Variants in GRIP1 observed in about 807,000 individuals in gnomAD.
GRIP1 encodes glutamate receptor-interacting protein 1.
A neutral mutation model predicts 129.9 loss-of-function variants in GRIP1; 45 were observed. The observed-to-expected ratio is 0.35, with a 90% CI of 0.27 to 0.44. The LOEUF is 0.44. GRIP1 is among the 20% of genes least tolerant of loss of function. The pLI is 1.00. For synonymous variants in GRIP1, 530 were observed against 520.8 expected (o/e 1.02, Z -0.24); for missense variants, 1,196 against 1,396.8 (o/e 0.86, Z 2.29).
chr12:66,679,444 CA>C (rs10691128), upstream of GRIP1, among the ~76,000 whole-genome samples: 2,985 of 117,348 alleles, frequency 0.025, 76 homozygotes, highest in African/African-American at 0.078. Flanking sequence ...AAACAACAAC[CA>C]AAAAAAAAAA....
At chr12:66,837,047 C>A (rs1435379893) in intron 1 of GRIP1, among the ~76,000 whole-genome samples, 1 of 152,198 alleles carries the variant, frequency 6.6e-6, no homozygotes, top group Non-Finnish European at 1.5e-5. Context: ...AGTCTGAAAT[C>A]ATTTTCATTA....
At chr12:66,496,096 C>T (rs2060233034) in intron 7 of GRIP1, among the ~76,000 whole-genome samples, 1 of 152,150 alleles carries the variant, frequency 6.6e-6, no homozygotes, top group Admixed American at 6.5e-5. Flanking sequence ...CTTTTTCTAA[C>T]CTCTTGAGGG....
At chr12:66,402,690 A>C in intron 16 of GRIP1, among the ~76,000 whole-genome samples, 1 of 152,236 alleles carries the variant, frequency 6.6e-6, no homozygotes, top group East Asian at 1.9e-4. Context: ...CATTAGTATG[A>C]GCAATATTTC....
chr12:66,841,231 G>C (rs2039710490), intron 1 of GRIP1, among the ~76,000 whole-genome samples: 1 of 152,248 alleles, frequency 6.6e-6, no homozygotes, highest in Admixed American at 6.5e-5. Flanking sequence ...CTTCCCATGT[G>C]TTTGTTTCCT....
At chr12:66,481,187 C>A (rs573477077) in intron 7 of GRIP1, among the ~76,000 whole-genome samples, 1 of 135,644 alleles carries the variant, frequency 7.4e-6, no homozygotes, top group East Asian at 2.3e-4. Flanking sequence ...AAAATTTTTG[C>A]AATCAATCCA....
chr12:67,057,708 A>AC (rs2043462402), intron 1 of GRIP1, among the ~76,000 whole-genome samples: 1 of 152,212 alleles, frequency 6.6e-6, no homozygotes, highest in Non-Finnish European at 1.5e-5. Context: ...ATTCAGGCTC[A>AC]CTAACAAAGC....
At position 66,475,553 on chromosome 12, in the gene GRIP1, T is replaced by A. The variant is rs142319793; in HGVS notation, c.725-10131A>T. On this transcript the variant is annotated intron_variant, in intron 7 of 24. Coordinates refer to ENST00000359742, the MANE Select transcript of GRIP1 (RefSeq NM_001366722.1). The stretch of plus-strand genomic sequence containing the variant: ...CTTCTCAGCACCACACTGCACCTAT[T>A]CCAAAATTCACCACATAGTTGGAAG... Among the ~76,000 whole-genome samples, 1,133 of 152,234 alleles carry A rather than the reference T, an allele frequency of 7.4e-3. 12 individuals are homozygous for A. Among genetic ancestry groups the A allele is most frequent in the African/African-American group, 0.026 (1,060 of 41,530 alleles).
At chr12:66,762,510 A>G (rs933634359) in intron 1 of GRIP1, among the ~76,000 whole-genome samples, 12 of 152,234 alleles carry the variant, frequency 7.9e-5, no homozygotes, top group Non-Finnish European at 1.5e-4. Context: ...TTTCAATAAT[A>G]TATGTTGTAC....
chr12:66,925,636 C>T (rs1267859659), intron 1 of GRIP1, among the ~76,000 whole-genome samples: 2 of 151,916 alleles, frequency 1.3e-5, no homozygotes, highest in Admixed American at 1.3e-4. Flanking sequence ...TATAGTAATA[C>T]CTGTTTTTTT....
chr12:66,797,957 A>G lies in GRIP1; in HGVS notation c.-420+6096T>C, dbSNP rs189030096. 1.9e-3 allele frequency among the ~76,000 whole-genome samples: 287 copies of G among 152,122 alleles called. 2 individuals are homozygous for G. The highest frequency in any genetic ancestry group is 2.4e-3 in the Non-Finnish European group (163 of 67,996). ...AAAGACTAAAACGTGGTAGTTTTCT[A>G]TAATTGTAACCCAAATTATCACAGT... On this transcript the variant is annotated intron_variant, in intron 1 of 4. Coordinates refer to the GRIP1 transcript ENST00000538373.
chr12:66,414,802 A>G (rs77179793), intron 15 of GRIP1, among the ~76,000 whole-genome samples: 1 of 151,904 alleles, frequency 6.6e-6, no homozygotes, highest in Non-Finnish European at 1.5e-5. Flanking sequence ...CACACCCATA[A>G]CCATCTGATC....
intron 9 of GRIP1, among the ~76,000 whole-genome samples, chr12:66,459,985 A>G (rs1449507015): frequency 6.6e-6 from 1 of 152,224 alleles, no homozygotes; most frequent in African/African-American, 2.4e-5. Flanking sequence ...ATTATATACT[A>G]GGCACTGTGC....
chr12:66,724,099 C>T (rs1334838463), intron 1 of GRIP1, among the ~76,000 whole-genome samples: 7 of 152,152 alleles, frequency 4.6e-5, no homozygotes, highest in East Asian at 3.9e-4. Context: ...TGGGAATTCA[C>T]GCTTGAGTAA....
At chr12:66,706,206 C>T (rs2035523037) in intron 1 of GRIP1, among the ~76,000 whole-genome samples, 1 of 152,066 alleles carries the variant, frequency 6.6e-6, no homozygotes, top group Non-Finnish European at 1.5e-5. Context: ...AACGTATTTA[C>T]AAGAAAAAGA....
At chr12:66,833,536 G>C (rs2039555999) in intron 1 of GRIP1, among the ~76,000 whole-genome samples, 2 of 152,070 alleles carry the variant, frequency 1.3e-5, no homozygotes, top group South Asian at 4.1e-4. Flanking sequence ...TGTGCCACTG[G>C]ATCCAAGTAT....
At chr12:66,706,030 G>A (rs907481002) in intron 1 of GRIP1, among the ~76,000 whole-genome samples, 9 of 152,118 alleles carry the variant, frequency 5.9e-5, no homozygotes, top group Admixed American at 5.9e-4. Flanking sequence ...AAAAGCAACT[G>A]CAACAAAAGC....
rs181889273 is a variant in GRIP1 at position 67,013,930 on chromosome 12, G to A, written c.58+55120C>T. Among the ~76,000 whole-genome samples, 55 of 152,310 alleles carry A rather than the reference G, an allele frequency of 3.6e-4. 1 individual carries two copies. The highest frequency in any genetic ancestry group is 1.0e-4 in the Non-Finnish European group (7 of 68,020). On this transcript the variant is annotated intron_variant, in intron 1 of 1. Transcript: ENST00000643019. ...TGGTTTAGGAGTTTGTCCAATCAGC[G>A]CAAGCTCAAGATTTCTACTAAGAAT...
rs184053344 is a variant in GRIP1, at chr12:66,718,206, G to A, written c.-420+85847C>T. On this transcript the variant is annotated intron_variant, in intron 1 of 4. Coordinates refer to the GRIP1 transcript ENST00000538373. ...CTCAGGAATTCCTGCCACCACTAAT[G>A]TCCTGCTGACTCTAAGTCACCACTG... 3.5e-3 allele frequency among the ~76,000 whole-genome samples: 525 copies of A among 152,122 alleles called. 4 individuals carry two copies. Among genetic ancestry groups the A allele is most frequent in the Non-Finnish European group, 6.6e-3 (446 of 68,004 alleles).
chr12:66,687,773 C>T (rs1299473034), intron 1 of GRIP1, among the ~76,000 whole-genome samples: 1 of 152,158 alleles, frequency 6.6e-6, no homozygotes, highest in African/African-American at 2.4e-5. Context: ...ATGTGGTGTG[C>T]ATGGAGCTGG....
Sources: allele counts gnomAD v4.1 joint callset (sites outside exome capture counted in the v4.1 genomes callset), GRCh38; gene constraint gnomAD v4.1.1; transcripts MANE v1.5; gene names NCBI Gene and HGNC (gene_info 2026-07-23, HGNC 2026-07-21).